COL9A1: variants seen among roughly 807,000 people sequenced by gnomAD.
The protein encoded by COL9A1 is collagen alpha-1(IX) chain.
COL9A1 carries 104 observed loss-of-function variants against 142.6 expected under a neutral mutation model. That is an observed-to-expected ratio of 0.73 (90% CI 0.62 to 0.86). The LOEUF (loss-of-function observed/expected upper bound fraction) is 0.86. Ranked by LOEUF, COL9A1 falls within the 40% of genes least tolerant of loss-of-function variation. The pLI is 0.00. For synonymous variants in COL9A1, 466 were observed against 396.0 expected, an observed-to-expected ratio of 1.18 and a Z score of -2.10; for missense variants, 1,210 against 1,176.6, an observed-to-expected ratio of 1.03 and a Z score of -0.42.
rs191376459 is a variant in COL9A1 at position 70,257,687 on chromosome 6, C to T, written c.1450-866G>A. Among the ~76,000 whole-genome samples, 480 of 152,220 alleles carry T rather than the reference C, an allele frequency of 3.2e-3. 1 individual carries two copies. Among genetic ancestry groups the T allele is most frequent in the African/African-American group, 0.011 (442 of 41,526 alleles). On this transcript the variant is annotated intron_variant, in intron 20 of 37. Transcript: ENST00000357250. ...ACTTGGGCCCGAGAGGAGGAGATTGCGTTGAGTGGAGAGAGCACCACTGCA... is the reference window on the plus strand; with the variant it reads ...ACTTGGGCCCGAGAGGAGGAGATTGTGTTGAGTGGAGAGAGCACCACTGCA...
chr6:70,249,781 C>T (rs752532068), intron 28 of COL9A1, among the ~76,000 whole-genome samples: 5 of 138,900 alleles, frequency 3.6e-5, no homozygotes, highest in Non-Finnish European at 7.5e-5. Context: ...CAACCCCCTA[C>T]CCCATCCTCT....
At chr6:70,290,671 A>G (rs1006471264) in intron 5 of COL9A1, among the ~76,000 whole-genome samples, 3 of 152,096 alleles carry the variant, frequency 2.0e-5, no homozygotes, top group Non-Finnish European at 4.4e-5. Flanking sequence ...TGTGGTTTCC[A>G]ATTGCATTTC....
intron 10 of COL9A1, among the ~76,000 whole-genome samples, chr6:70,277,331 A>G (rs2127594409): frequency 6.6e-6 from 1 of 151,930 alleles, no homozygotes; most frequent in African/African-American, 2.4e-5. Flanking sequence ...CTAATTTTAC[A>G]TGTCCATAAG....
chr6:70,302,204 CTTTT>C (rs202054376), intron 1 of COL9A1, 130 bp from the exon 2 acceptor site: 1,585 of 355,306 alleles, frequency 4.5e-3, no homozygotes, highest in Middle Eastern at 8.1e-3. Flanking sequence ...TTTTTCATTT[CTTTT>C]TTTTTTTTTT....
intron 10 of COL9A1, among the ~76,000 whole-genome samples, chr6:70,277,568 C>CTGTGT (rs1562321612): frequency 6.6e-6 from 1 of 152,178 alleles, no homozygotes. Flanking sequence ...TTGAAGCTGA[C>CTGTGT]TGTGTTCTGA....
At chr6:70,244,366 G>C (rs1770456579) in intron 28 of COL9A1, among the ~76,000 whole-genome samples, 1 of 152,166 alleles carries the variant, frequency 6.6e-6, no homozygotes, top group Admixed American at 6.5e-5. Flanking sequence ...CCCTGTGATA[G>C]ATTCCTCTAT....
chr6:70,265,615 A>T (rs1382806126), intron 18 of COL9A1, among the ~76,000 whole-genome samples: 2 of 151,924 alleles, frequency 1.3e-5, no homozygotes, highest in Admixed American at 1.3e-4. Context: ...TCAATGGAAG[A>T]ATGATCATAC....
At chr6:70,289,850 T>C (rs1298514975) in intron 5 of COL9A1, among the ~76,000 whole-genome samples, 1 of 152,188 alleles carries the variant, frequency 6.6e-6, no homozygotes, top group Non-Finnish European at 1.5e-5. Flanking sequence ...TCATAATTTA[T>C]TTTTCCCATG....
intron 37 of COL9A1, among the ~76,000 whole-genome samples, chr6:70,225,575 G>A (rs757414151): frequency 6.9e-6 from 1 of 145,594 alleles, no homozygotes; most frequent in African/African-American, 2.6e-5. Context: ...CTACTGCTCT[G>A]GCATTTTAGA....
intron 19 of COL9A1, among the ~76,000 whole-genome samples, chr6:70,262,011 C>T (rs1394143911): frequency 1.3e-5 from 2 of 152,106 alleles, no homozygotes; most frequent in Non-Finnish European, 1.5e-5. Context: ...CCCAATGGAC[C>T]ACTTGAGCCA....
intron 9 of COL9A1, 55 bp downstream of exon 9, chr6:70,280,949 T>C (rs990798562): frequency 3.8e-5 from 61 of 1,612,796 alleles, no homozygotes; most frequent in Non-Finnish European, 4.9e-5. Context: ...AACAGGGGGC[T>C]GCAAAACACG....
intron 18 of COL9A1, among the ~76,000 whole-genome samples, chr6:70,266,141 C>T (rs975198059): frequency 6.6e-6 from 1 of 152,192 alleles, no homozygotes; most frequent in African/African-American, 2.4e-5. Context: ...TTCTGCAGGG[C>T]ATGCCAGCTG....
At chr6:70,254,331 T>C (rs1771130654) in intron 25 of COL9A1, 145 bp downstream of exon 25, 1 of 683,414 alleles carries the variant, frequency 1.5e-6, no homozygotes, top group Non-Finnish European at 2.5e-6. Context: ...AAATATAAAA[T>C]ACAAATGTAA....
rs1772645795 is a variant in COL9A1, at chr6:70,274,783, A to G, written c.976-11T>C. 3 of 1,609,876 alleles carry G rather than the reference A, an allele frequency of 1.9e-6. No individual in the cohort carries two copies. The highest frequency in any genetic ancestry group is 2.6e-6 in the Non-Finnish European group (3 of 1,176,468). On this transcript the variant is annotated splice_polypyrimidine_tract_variant and intron_variant, in intron 10 of 37. Transcript: ENST00000357250. ...AGGTCCTGTTAATCCCTAATAGAGC[A>G]AGACAATGATGTTAGAACTATCATA...
At chr6:70,282,861 G>C in intron 7 of COL9A1, 37 bp downstream of exon 7, 1 of 1,614,046 alleles carries the variant, frequency 6.2e-7, no homozygotes, top group Admixed American at 1.7e-5. Context: ...CCTCGTGTGC[G>C]CTTGAAAAAT....
At position 70,271,642 on chromosome 6, in the gene COL9A1, C is replaced by T. The variant is rs1772407729; in HGVS notation, c.1143+13G>A. 6.2e-7 allele frequency: 1 copy of T among 1,612,670 alleles called. No homozygotes were observed. Among genetic ancestry groups the T allele is most frequent in the Non-Finnish European group, 8.5e-7 (1 of 1,178,742 alleles). ...ATCAGCAAACGTCTATCAAAGTGCA[C>T]TGTGGTACTCACAACAGGTCCTACA... On this transcript the variant is annotated intron_variant, in intron 14 of 37. Transcript: ENST00000357250.
intron 36 of COL9A1, among the ~76,000 whole-genome samples, chr6:70,226,937 T>G (rs1358172398): frequency 2.0e-5 from 3 of 152,090 alleles, no homozygotes; most frequent in African/African-American, 7.2e-5. Flanking sequence ...TGACCAGATA[T>G]TAAATCAACT....
chr6:70,283,059 C>A (rs1468627703), intron 6 of COL9A1, 141 bp from the exon 7 acceptor site: 1 of 1,550,206 alleles, frequency 6.5e-7, no homozygotes, highest in Middle Eastern at 1.8e-4. Context: ...CCATGCCCGC[C>A]GCCCGCCGCT....
intron 28 of COL9A1, among the ~76,000 whole-genome samples, chr6:70,251,498 G>C (rs1278206584): frequency 1.3e-5 from 2 of 152,202 alleles, no homozygotes; most frequent in Non-Finnish European, 2.9e-5. Context: ...TGTGAGCTAC[G>C]ATTGCGCCAC....
Sources: allele counts gnomAD v4.1 joint callset (sites outside exome capture counted in the v4.1 genomes callset), GRCh38; gene constraint gnomAD v4.1.1; transcripts MANE v1.5; gene names NCBI Gene and HGNC (gene_info 2026-07-23, HGNC 2026-07-21).